The following DENND4C variants were observed in gnomAD, a reference collection of about 807,000 sequenced individuals.
The protein encoded by DENND4C is DENN domain-containing protein 4C.
DENND4C carries 108 observed loss-of-function variants against 203.0 expected under a neutral mutation model. The ratio of observed to expected loss-of-function variants is 0.53; its 90% confidence interval spans 0.46 to 0.62. The LOEUF is 0.62. Among genes scored for constraint, DENND4C ranks in the 20% least tolerant of loss-of-function variants. The pLI is 0.00. For synonymous variants in DENND4C, 871 were observed against 792.4 expected (o/e 1.10, Z -1.67); for missense variants, 2,481 against 2,301.2 (o/e 1.08, Z -1.60).
chr9:19,300,359 A>C (rs780541748), intron 9 of DENND4C, 28 bp downstream of exon 9: 24 of 1,473,388 alleles, frequency 1.6e-5, no homozygotes, highest in Non-Finnish European at 2.2e-5. Context: ...CTTTTAGTAC[A>C]AAATTACTGA....
chr9:19,350,927 G>T, intron 24 of DENND4C, 48 bp downstream of exon 24: 7 of 1,510,854 alleles, frequency 4.6e-6, no homozygotes, highest in Admixed American at 2.1e-5. Context: ...AATAGTTTTT[G>T]CTTTTTTTTT....
intron 21 of DENND4C, among the ~76,000 whole-genome samples, chr9:19,341,858 C>T (rs950429238): frequency 3.3e-5 from 5 of 152,176 alleles, no homozygotes; most frequent in Admixed American, 6.5e-5. Context: ...GGCGTGGTGG[C>T]TCACGCCTGT....
intron 1 of DENND4C, among the ~76,000 whole-genome samples, chr9:19,262,690 C>T (rs572834270): frequency 6.6e-6 from 1 of 152,178 alleles, no homozygotes; most frequent in South Asian, 2.1e-4. Flanking sequence ...CCTCGGCCTC[C>T]CAGAGTGCTG....
At position 19,346,514 on chromosome 9, in the gene DENND4C, G is replaced by A; in HGVS notation, c.3745G>A (p.Gly1249Arg). The A allele has an allele frequency of 6.2e-7, 1 of 1,614,100 alleles. No individual in the cohort carries two copies. The change falls in exon 23 of 33, where the codon GGA becomes AGA. Residue 1249 changes from glycine (G) to arginine (R), a missense_variant. By Grantham distance (125) the Gly-to-Arg change is moderately radical. Transcript: ENST00000434457. ...KVVQREDVETGLDPLSLLATE... is the reference protein window; with the variant it reads ...KVVQREDVETRLDPLSLLATE... ...GGTTCAGAGGGAAGATGTTGAAACTGGACTAGATCCTTTGTCTCTTTTAGC... is the reference window on the plus strand; with the variant it reads ...GGTTCAGAGGGAAGATGTTGAAACTAGACTAGATCCTTTGTCTCTTTTAGC...
At position 19,287,375 on chromosome 9, in the gene DENND4C, G is replaced by A. The variant is rs1028339929; in HGVS notation, c.558+354G>A. Among the ~76,000 whole-genome samples, 11 of 152,074 alleles carry A rather than the reference G, an allele frequency of 7.2e-5. No individual in the cohort carries two copies. In the South Asian group the frequency reaches 1.5e-3, roughly 20 times the overall value. ...CATTTATTCATTCATTCATTCATTT[G>A]TTTGCTTTTTTTATTTTTTTGAGAC... is the stretch of plus-strand genomic sequence containing the variant. On this transcript the variant is annotated intron_variant, in intron 3 of 32. Coordinates refer to ENST00000434457, the MANE Select transcript of DENND4C (RefSeq NM_001330640.2).
In DENND4C at chr9:19,356,988, A is replaced by C. The variant is rs1360327058; in HGVS notation, c.4798A>C (p.Ser1600Arg). The C allele has an allele frequency of 5.6e-6, 9 of 1,613,630 alleles. No homozygotes were observed. The East Asian group carries it at 1.8e-4, about 32-fold the overall frequency. Residue 1600 changes from serine (S) to arginine (R), a missense_variant, in exon 27 of 33, where the codon AGT becomes CGT. Physicochemically the swap from Ser to Arg is moderately radical, Grantham distance 110. Around this residue, in one of 3 missense-constraint regions of DENND4C, gnomAD observed 2,289 missense variants for 2,113.3 expected, o/e 1.08. Transcript: ENST00000434457. ...CTTATGTAGCTTTTTCCTGAAACCAAGTACCTCTGGTGACAGTTTACAAAG... is the reference window on the plus strand; with the variant it reads ...CTTATGTAGCTTTTTCCTGAAACCACGTACCTCTGGTGACAGTTTACAAAG... The part of the protein sequence containing the change: ...RGSASFFLKP[S>R]TSGDSLQSGS...
chr9:19,251,072 A>G (rs541290979), intron 1 of DENND4C, among the ~76,000 whole-genome samples: 12 of 152,134 alleles, frequency 7.9e-5, no homozygotes, highest in African/African-American at 2.2e-4. Flanking sequence ...TTTCCCTTCC[A>G]CACTGCCCTA....
Position 19,271,170 on chromosome 9 carries a change from C to CT in DENND4C, c.-17-4979dup, listed in dbSNP as rs555872459. On this transcript the variant is annotated intron_variant, in intron 1 of 32. Coordinates refer to ENST00000434457, the MANE Select transcript of DENND4C (RefSeq NM_001330640.2). Reference sequence around the variant, plus strand: ...CAGTCCTAATTAAAATCACAGTAGGCTTTTTTTTTAGGTAAAAATTAATAT... The same window carrying CT: ...CAGTCCTAATTAAAATCACAGTAGGCTTTTTTTTTTAGGTAAAAATTAATAT... 2.7e-4 allele frequency among the ~76,000 whole-genome samples: 38 copies of CT among 140,580 alleles called. 1 individual carries two copies. The highest frequency in any genetic ancestry group is 9.2e-4 in the Admixed American group (13 of 14,120). The allele number at this position is 140,580 out of a possible 152,430, so 92.2% of individuals were successfully genotyped here.
intron 1 of DENND4C, among the ~76,000 whole-genome samples, chr9:19,240,157 A>G (rs1057488945): frequency 1.3e-5 from 2 of 152,128 alleles, no homozygotes; most frequent in East Asian, 3.9e-4. Context: ...GGAATGCATC[A>G]TTGGGCAATT....
intron 1 of DENND4C, among the ~76,000 whole-genome samples, chr9:19,262,945 C>T (rs903816908): frequency 3.3e-5 from 5 of 152,182 alleles, no homozygotes; most frequent in Non-Finnish European, 5.9e-5. Flanking sequence ...CTTATGTAAT[C>T]GCTCTAGCTA....
chr9:19,356,906 T>C, intron 26 of DENND4C, 66 bp from the exon 27 acceptor site: 1 of 1,413,760 alleles, frequency 7.1e-7, no homozygotes, highest in Non-Finnish European at 9.8e-7. Flanking sequence ...TGATTCTAAA[T>C]ATGATAGAAT....
intron 1 of DENND4C, among the ~76,000 whole-genome samples, chr9:19,238,057 T>C (rs1228177479): frequency 1.3e-5 from 2 of 151,804 alleles, no homozygotes; most frequent in African/African-American, 2.4e-5. Context: ...AGACCCCTCC[T>C]TGACTCTTCC....
At chr9:19,362,388 C>T (rs2132234863) in intron 30 of DENND4C, among the ~76,000 whole-genome samples, 1 of 152,164 alleles carries the variant, frequency 6.6e-6, no homozygotes, top group South Asian at 2.1e-4. Flanking sequence ...TCCATCCATA[C>T]TGTAGGATAT....
intron 1 of DENND4C, among the ~76,000 whole-genome samples, chr9:19,264,380 C>G (rs1830054505): frequency 1.3e-5 from 2 of 151,968 alleles, no homozygotes; most frequent in African/African-American, 4.8e-5. Context: ...AATTTCGGCT[C>G]ACTACAACCT....
rs528972390 is a variant in DENND4C, at chr9:19,242,816, C to T, written c.-18+11983C>T. The stretch of plus-strand genomic sequence containing the variant: ...GACTATAGGCGCATGCCACCATGCC[C>T]GGCCATTTTTTGTATTTTTAGTAGA... On this transcript the variant is annotated intron_variant, in intron 1 of 32. Coordinates refer to ENST00000434457, the MANE Select transcript of DENND4C (RefSeq NM_001330640.2). 1.4e-3 allele frequency among the ~76,000 whole-genome samples: 214 copies of T among 151,962 alleles called. 2 individuals carry two copies. The highest frequency in any genetic ancestry group is 3.4e-3 in the Middle Eastern group (1 of 294).
chr9:19,357,236 C>G (rs1416327622), intron 27 of DENND4C, 82 bp downstream of exon 27: 1 of 1,343,428 alleles, frequency 7.4e-7, no homozygotes, highest in Admixed American at 1.9e-5. Flanking sequence ...GACAACCTGA[C>G]TCATATAGGC....
chr9:19,291,002 T>G, intron 5 of DENND4C, 126 bp downstream of exon 5: 1 of 910,208 alleles, frequency 1.1e-6, no homozygotes, highest in South Asian at 1.9e-5. Flanking sequence ...AAATTTACAC[T>G]GTCATCCCCA....
chr9:19,271,152 A>G (rs561419331), intron 1 of DENND4C, among the ~76,000 whole-genome samples: 3 of 152,194 alleles, frequency 2.0e-5, no homozygotes, highest in African/African-American at 7.2e-5. Context: ...ATGCAGTCCT[A>G]ATTAAAATCA....
At chr9:19,249,685 A>G (rs1826089926) in intron 1 of DENND4C, among the ~76,000 whole-genome samples, 1 of 152,154 alleles carries the variant, frequency 6.6e-6, no homozygotes, top group African/African-American at 2.4e-5. Flanking sequence ...AATTCATTTT[A>G]TGTGTGTGTG....
Sources: allele counts gnomAD v4.1 joint callset (sites outside exome capture counted in the v4.1 genomes callset), GRCh38; gene constraint gnomAD v4.1.1; regional missense constraint gnomAD v4.1.1; transcripts MANE v1.5; gene names NCBI Gene and HGNC (gene_info 2026-07-23, HGNC 2026-07-21).